Variants in CNTNAP2 observed in about 807,000 individuals in gnomAD.
CNTNAP2 encodes the protein contactin-associated protein-like 2.
In CNTNAP2, 98 loss-of-function variants were observed where a neutral mutation model predicts 155.2. The ratio of observed to expected loss-of-function variants is 0.63; its 90% CI spans 0.54 to 0.75. CNTNAP2 has a LOEUF of 0.75. CNTNAP2 is among the 30% of genes least tolerant of loss of function. CNTNAP2 has a pLI of 0.00. For missense variants in CNTNAP2, 1,727 were observed against 1,688.1 expected, an observed-to-expected ratio of 1.02 and a Z score of -0.40; for synonymous variants, 651 against 631.2, an observed-to-expected ratio of 1.03 and a Z score of -0.47.
intron 8 of CNTNAP2, among the ~76,000 whole-genome samples, chr7:147,228,844 C>T (rs1200183016): frequency 6.6e-6 from 1 of 151,582 alleles, no homozygotes; most frequent in African/African-American, 2.4e-5. Context: ...GTGTGATGGT[C>T]CCCTCCCTGT....
At chr7:147,760,335 T>C (rs1221699454) in intron 13 of CNTNAP2, among the ~76,000 whole-genome samples, 1 of 152,136 alleles carries the variant, frequency 6.6e-6, no homozygotes. Flanking sequence ...TTAAATGTGA[T>C]TTTTCCCTTT....
chr7:147,248,583 C>A (rs781710618), intron 8 of CNTNAP2, among the ~76,000 whole-genome samples: 13 of 152,152 alleles, frequency 8.5e-5, no homozygotes, highest in Non-Finnish European at 1.6e-4. Context: ...CTTATGGGGC[C>A]GGTGGCTGTC....
intron 3 of CNTNAP2, among the ~76,000 whole-genome samples, chr7:146,874,131 A>G (rs1260334169): frequency 6.6e-6 from 1 of 152,064 alleles, no homozygotes; most frequent in Non-Finnish European, 1.5e-5. Flanking sequence ...AGAAGGAAAT[A>G]TCAAGTCTGA....
At chr7:147,014,812 G>A (rs1158398797) in intron 3 of CNTNAP2, among the ~76,000 whole-genome samples, 2 of 152,144 alleles carry the variant, frequency 1.3e-5, no homozygotes, top group Non-Finnish European at 2.9e-5. Flanking sequence ...CATACTCATA[G>A]TTAGTCAGTC....
chr7:147,807,195 T>C (rs1798104188), intron 13 of CNTNAP2, among the ~76,000 whole-genome samples: 1 of 151,444 alleles, frequency 6.6e-6, no homozygotes, highest in Non-Finnish European at 1.5e-5. Flanking sequence ...TGAGGGTGTA[T>C]GCCTGTGGTC....
At position 146,242,892 on chromosome 7, in the gene CNTNAP2, TAGAG is replaced by T. The variant is rs1157162969; in HGVS notation, c.97+125921_97+125924del. On this transcript the variant is annotated intron_variant, in intron 1 of 23. Coordinates refer to ENST00000361727, the MANE Select transcript of CNTNAP2 (RefSeq NM_014141.6). ...AATTAATAAAGATAGTTGTGCCTCTTAGAGAAAGGTAATAATTTCAAGAAGCTGG... is the reference window on the plus strand; with the variant it reads ...AATTAATAAAGATAGTTGTGCCTCTTAAAGGTAATAATTTCAAGAAGCTGG... 8.5e-5 allele frequency among the ~76,000 whole-genome samples: 13 copies of T among 152,312 alleles called. 1 individual carries two copies. The South Asian group carries it at 1.0e-3, about 12-fold the overall frequency.
intron 21 of CNTNAP2, among the ~76,000 whole-genome samples, chr7:148,295,093 C>T (rs1468758390): frequency 6.6e-6 from 1 of 152,068 alleles, no homozygotes. Context: ...AAACTTAATT[C>T]TTTTAAAAAT....
At chr7:148,141,960 G>T (rs1463889743) in intron 16 of CNTNAP2, among the ~76,000 whole-genome samples, 2 of 152,110 alleles carry the variant, frequency 1.3e-5, no homozygotes, top group Non-Finnish European at 2.9e-5. Flanking sequence ...ATAGATATGG[G>T]GAGTACAGAC....
intron 1 of CNTNAP2, among the ~76,000 whole-genome samples, chr7:146,253,297 A>T (rs1349363166): frequency 6.6e-6 from 1 of 152,124 alleles, no homozygotes; most frequent in Non-Finnish European, 1.5e-5. Flanking sequence ...CCAACCTAAC[A>T]AATTCTGTTT....
At chr7:147,837,443 G>C (rs1354432874) in intron 13 of CNTNAP2, among the ~76,000 whole-genome samples, 1 of 151,940 alleles carries the variant, frequency 6.6e-6, no homozygotes, top group Non-Finnish European at 1.5e-5. Context: ...ATTTGGGTGG[G>C]GACACAGCCA....
intron 1 of CNTNAP2, among the ~76,000 whole-genome samples, chr7:146,155,445 T>C (rs1798110410): frequency 6.6e-6 from 1 of 152,098 alleles, no homozygotes; most frequent in African/African-American, 2.4e-5. Context: ...ACAATTTTAT[T>C]CGTATAACTA....
chr7:147,232,332 CAG>C (rs1357177333), intron 8 of CNTNAP2, among the ~76,000 whole-genome samples: 20 of 152,306 alleles, frequency 1.3e-4, no homozygotes, highest in African/African-American at 4.6e-4. Context: ...AGAAATGCCA[CAG>C]AAAAGACAAT....
intron 13 of CNTNAP2, among the ~76,000 whole-genome samples, chr7:147,697,788 C>A (rs1229018367): frequency 6.6e-6 from 1 of 152,102 alleles, no homozygotes; most frequent in East Asian, 1.9e-4. Context: ...TCTGGGTAGG[C>A]CTTGTTAAGA....
chr7:146,674,771 G>T (rs539124242), intron 1 of CNTNAP2, among the ~76,000 whole-genome samples: 1 of 152,214 alleles, frequency 6.6e-6, no homozygotes, highest in African/African-American at 2.4e-5. Context: ...CTGGGTGGCC[G>T]GAGTAGGTTG....
At chr7:147,297,356 A>G (rs1017563852) in intron 8 of CNTNAP2, among the ~76,000 whole-genome samples, 1 of 152,212 alleles carries the variant, frequency 6.6e-6, no homozygotes, top group African/African-American at 2.4e-5. Flanking sequence ...CAGACAAAAG[A>G]GAGCTTATAA....
At chr7:146,202,402 T>A (rs7797328) in intron 1 of CNTNAP2, among the ~76,000 whole-genome samples, 5,037 of 152,228 alleles carry the variant, frequency 0.033, 280 homozygotes, top group African/African-American at 0.12. Context: ...TCAGATTTAG[T>A]TGTAGAAAAT....
intron 8 of CNTNAP2, among the ~76,000 whole-genome samples, chr7:147,217,315 G>A (rs1460966618): frequency 6.6e-6 from 1 of 151,716 alleles, no homozygotes; most frequent in Non-Finnish European, 1.5e-5. Flanking sequence ...TCATGTTGAG[G>A]AAGTTTCCCC....
At chr7:146,119,849 C>T (rs954027154) in intron 1 of CNTNAP2, among the ~76,000 whole-genome samples, 1 of 151,604 alleles carries the variant, frequency 6.6e-6, no homozygotes, top group South Asian at 2.1e-4. Context: ...CGATTTTATA[C>T]GTGTATATAT....
intron 1 of CNTNAP2, among the ~76,000 whole-genome samples, chr7:146,589,744 T>TA (rs397765110): frequency 0.45 from 67,107 of 148,756 alleles, 15,966 homozygotes; most frequent in South Asian, 0.57. Context: ...ATGTAGAGTA[T>TA]AAAAAAAAAA....
Sources: gnomAD v4.1 joint callset for allele counts (sites outside exome capture counted in the v4.1 genomes callset) on GRCh38, gnomAD v4.1.1 for gene constraint, MANE v1.5 for transcripts, NCBI Gene and HGNC (gene_info 2026-07-23, HGNC 2026-07-21) for gene names.